ADGRG1: variants seen among roughly 807,000 people sequenced by gnomAD.
The protein encoded by ADGRG1 is adhesion G protein-coupled receptor G1, also known as 7-transmembrane protein with no EGF-like N-terminal domains-1.
A neutral mutation model predicts 73.5 loss-of-function variants in ADGRG1; 53 were observed. The ratio of observed to expected loss-of-function variants is 0.72; its 90% CI spans 0.58 to 0.91. ADGRG1 has a LOEUF of 0.91. ADGRG1 is among the 40% of genes least tolerant of loss of function. ADGRG1 has a pLI of 0.00. For synonymous variants in ADGRG1, 394 were observed against 374.4 expected, an observed-to-expected ratio of 1.05 and a Z score of -0.60; for missense variants, 795 against 871.8, an observed-to-expected ratio of 0.91 and a Z score of 1.11.
Position 57,664,411 on chromosome 16 carries a change from G to A in ADGRG1, c.*829G>A, listed in dbSNP as rs2047923078. 1 of 152,328 alleles carries A rather than the reference G, an allele frequency of 6.6e-6. No homozygotes were observed. The highest frequency in any genetic ancestry group is 1.5e-5 in the Non-Finnish European group (1 of 68,180). The allele number at this position is 152,328 out of a possible 1,614,324, so 9.4% of individuals were successfully genotyped here. Reference sequence around the variant, plus strand: ...GGGCTAGGTCCCTCTGTCCATCTGGGCCTTTGTATGAGCTGCATTGCCCTT... The same window carrying A: ...GGGCTAGGTCCCTCTGTCCATCTGGACCTTTGTATGAGCTGCATTGCCCTT... On this transcript the variant is annotated 3_prime_UTR_variant, in exon 14 of 14. Coordinates refer to ENST00000562631, the MANE Select transcript of ADGRG1 (RefSeq NM_201525.4).
chr16:57,630,369 C>A, intron 1 of ADGRG1: 4 of 985,492 alleles, frequency 4.1e-6, no homozygotes, highest in Non-Finnish European at 4.8e-6. Flanking sequence ...AGACCTGACC[C>A]CTTCTTTGCT....
intron 1 of ADGRG1, chr16:57,643,087 A>G (rs1597302845): frequency 1.3e-5 from 2 of 152,316 alleles, no homozygotes; most frequent in Admixed American, 1.3e-4. Flanking sequence ...TGCACCAGAT[A>G]AGACCCCTGT....
chr16:57,650,677 C>T (rs1458377390), intron 2 of ADGRG1, among the ~76,000 whole-genome samples: 4 of 151,898 alleles, frequency 2.6e-5, no homozygotes, highest in Non-Finnish European at 4.4e-5. Context: ...ATATGTTTTC[C>T]CCTTGAAATT....
chr16:57,626,964 C>T (rs1384183769), upstream of ADGRG1: 10 of 985,460 alleles, frequency 1.0e-5, no homozygotes, highest in Admixed American at 6.1e-5. Flanking sequence ...CCACTGCAGC[C>T]CCGGGAGAGA....
chr16:57,630,017 A>G (rs2037313484), intron 1 of ADGRG1: 1 of 985,134 alleles, frequency 1.0e-6, no homozygotes, highest in Non-Finnish European at 1.2e-6. Flanking sequence ...GTGTAGGAAT[A>G]GCCTTTGTTG....
At chr16:57,659,219 G>T in intron 10 of ADGRG1, 194 bp from the exon 11 acceptor site, 1 of 985,310 alleles carries the variant, frequency 1.0e-6, no homozygotes, top group Non-Finnish European at 1.2e-6. Context: ...TGTGGGTGCT[G>T]GGCACACAGT....
intron 1 of ADGRG1, chr16:57,644,925 ACACACACTCATGCACGGGCACCCACTGAT>A: frequency 4.6e-6 from 1 of 219,622 alleles, no homozygotes; most frequent in Non-Finnish European, 7.1e-6. Context: ...ACTCATGCAC[ACACACACTCATGCACGGGCACCCACTGAT>A]CACACACTCA....
chr16:57,656,089 G>T, intron 7 of ADGRG1, 97 bp downstream of exon 7: 2 of 1,613,254 alleles, frequency 1.2e-6, no homozygotes, highest in Middle Eastern at 1.7e-4. Flanking sequence ...ATAATGAAAC[G>T]ATTGCCTGAT....
intron 1 of ADGRG1, chr16:57,639,842 T>C: frequency 1.0e-6 from 1 of 955,986 alleles, no homozygotes; most frequent in Non-Finnish European, 1.2e-6. Flanking sequence ...GCATTCCCCT[T>C]CTCCCCAGCA....
intron 1 of ADGRG1, chr16:57,631,027 C>T: frequency 1.0e-6 from 1 of 985,880 alleles, no homozygotes; most frequent in Non-Finnish European, 1.2e-6. Flanking sequence ...GGCTGGGGGC[C>T]CAGGCTGCAA....
At chr16:57,657,282 C>T in intron 9 of ADGRG1, 91 bp from the exon 10 acceptor site, 1 of 1,596,038 alleles carries the variant, frequency 6.3e-7, no homozygotes, top group Non-Finnish European at 8.6e-7. Context: ...CGAGGCCCAC[C>T]AGGGACCCCA....
At chr16:57,630,893 A>T in intron 1 of ADGRG1, 1 of 912,292 alleles carries the variant, frequency 1.1e-6, no homozygotes, top group Non-Finnish European at 1.3e-6. Flanking sequence ...GACCACGGGG[A>T]GGGTGATACC....
intron 4 of ADGRG1, chr16:57,653,662 G>A: frequency 1.1e-6 from 1 of 901,404 alleles, no homozygotes; most frequent in Non-Finnish European, 1.3e-6. Flanking sequence ...GGTTGGCACA[G>A]GCGGAGCTGG....
intron 1 of ADGRG1, 139 bp downstream of exon 1, chr16:57,628,941 CGTGAGA>C: frequency 3.5e-6 from 2 of 574,748 alleles, no homozygotes; most frequent in Non-Finnish European, 2.1e-6. Context: ...TGAGTGTGAG[CGTGAGA>C]GTGTGAGAGT....
Position 57,645,179 on chromosome 16 carries a change from A to T in ADGRG1, c.-35-5074A>T, listed in dbSNP as rs2042280560. On this transcript the variant is annotated intron_variant, in intron 1 of 13. Transcript: ENST00000562631. ...CAGCAGCTCAGTGTCGTGCCCCAGCAGCCCACAGGAGAGCAGCTGCGGACG... is the reference window on the plus strand; with the variant it reads ...CAGCAGCTCAGTGTCGTGCCCCAGCTGCCCACAGGAGAGCAGCTGCGGACG... The T allele has an allele frequency of 4.1e-6, 4 of 985,332 alleles. No homozygotes were observed. In the South Asian group the frequency reaches 1.9e-4, roughly 46 times the overall value. 61.0% of individuals were successfully genotyped at this position (985,332 alleles called of 1,614,324 possible). A position where few individuals can be genotyped will look rare whatever the true frequency, so the allele number is the denominator to read the frequency against.
At chr16:57,647,091 T>G in intron 1 of ADGRG1, 1 of 984,642 alleles carries the variant, frequency 1.0e-6, no homozygotes, top group Non-Finnish European at 1.2e-6. Context: ...GTGGCAGGTG[T>G]GTGTGCGTGG....
At chr16:57,625,759 A>T, upstream of ADGRG1, 2 of 611,614 alleles carry the variant, frequency 3.3e-6, no homozygotes, top group Non-Finnish European at 2.0e-6. Flanking sequence ...GCTCCCCAGT[A>T]CCTTTGATTT....
At chr16:57,628,952 G>A (rs2036739330) in intron 1 of ADGRG1, 150 bp downstream of exon 1, 1 of 646,054 alleles carries the variant, frequency 1.5e-6, no homozygotes, top group Non-Finnish European at 1.9e-6. Flanking sequence ...GTGAGAGTGT[G>A]AGAGTGTGTG....
At chr16:57,627,198 T>A, upstream of ADGRG1, 1 of 540,390 alleles carries the variant, frequency 1.9e-6, no homozygotes, top group Non-Finnish European at 2.4e-6. Context: ...GCAGCAGCCC[T>A]GGCTCCTAGG....
Sources: gnomAD v4.1 joint callset for allele counts (sites outside exome capture counted in the v4.1 genomes callset) on GRCh38, gnomAD v4.1.1 for gene constraint, MANE v1.5 for transcripts, NCBI Gene and HGNC (gene_info 2026-07-23, HGNC 2026-07-21) for gene names.